PHACTR3: variants seen among roughly 807,000 people sequenced by gnomAD.
PHACTR3 encodes the protein phosphatase and actin regulator 3.
Under a neutral mutation model 66.8 loss-of-function variants are expected in PHACTR3, and 16 were observed. The observed-to-expected ratio is 0.24, with a 90% confidence interval of 0.16 to 0.36. The LOEUF is 0.36. PHACTR3 is among the 10% of genes least tolerant of loss of function. The pLI is 1.00. For synonymous variants in PHACTR3, 323 were observed against 292.1 expected (o/e 1.11, Z -1.08); for missense variants, 647 against 719.9 (o/e 0.90, Z 1.16).
At chr20:59,755,805 T>G (rs371248995) in intron 4 of PHACTR3, among the ~76,000 whole-genome samples, 2 of 152,190 alleles carry the variant, frequency 1.3e-5, no homozygotes. Flanking sequence ...GCCTAAGAGA[T>G]GCTGAAGTCC....
At chr20:59,831,202 C>G (rs969494677) in intron 8 of PHACTR3, among the ~76,000 whole-genome samples, 2 of 152,228 alleles carry the variant, frequency 1.3e-5, no homozygotes, top group African/African-American at 4.8e-5. Flanking sequence ...CACATCCACA[C>G]TTGAACATAC....
exon 1 of PHACTR3, chr20:59,577,611 G>T: frequency 2.5e-6 from 3 of 1,209,770 alleles, no homozygotes; most frequent in Middle Eastern, 3.3e-4. Flanking sequence ...CCGAGATCCT[G>T]CGCAAGGTAA....
At position 59,610,624 on chromosome 20, in the gene PHACTR3, CG is replaced by C. The variant is rs2033818124; in HGVS notation, c.118+5495del. On this transcript the variant is annotated intron_variant, in intron 1 of 12. Coordinates refer to ENST00000371015, the MANE Select transcript of PHACTR3 (RefSeq NM_080672.5). ...CAGTTGTAGCCACATTTCAAGTGTG[CG>C]GGAGCCCCATGCAGCTGTGGCTGCC... Among the ~76,000 whole-genome samples the C allele has an allele frequency of 3.9e-5, 6 of 152,362 alleles. No homozygotes were observed. The South Asian group carries it at 1.2e-3, about 32-fold the overall frequency.
At chr20:59,777,385 C>T (rs1255830587) in intron 7 of PHACTR3, among the ~76,000 whole-genome samples, 3 of 152,154 alleles carry the variant, frequency 2.0e-5, no homozygotes, top group Admixed American at 1.3e-4. Context: ...TCTTGGTTAA[C>T]TCGTTCCTCT....
intron 1 of PHACTR3, among the ~76,000 whole-genome samples, chr20:59,643,206 G>A (rs558420463): frequency 7.2e-5 from 11 of 152,150 alleles, no homozygotes; most frequent in Admixed American, 1.3e-4. Context: ...CCACTGCGCC[G>A]GCCTAATTCT....
Position 59,688,745 on chromosome 20 carries a change from A to G in PHACTR3, c.119-54362A>G, listed in dbSNP as rs80070956. ...TGTGTTACATCGTTGTTTGGAACAC[A>G]GTGGGGGTAATGCATAAATGCTGAA... On this transcript the variant is annotated intron_variant, in intron 1 of 12. Coordinates refer to ENST00000371015, the MANE Select transcript of PHACTR3 (RefSeq NM_080672.5). Among the ~76,000 whole-genome samples, 584 of 152,050 alleles carry G rather than the reference A, an allele frequency of 3.8e-3. 4 individuals carry two copies. Among genetic ancestry groups the G allele is most frequent in the East Asian group, 0.033 (173 of 5,166 alleles).
intron 1 of PHACTR3, among the ~76,000 whole-genome samples, chr20:59,732,384 T>G (rs1363126492): frequency 2.0e-5 from 3 of 152,112 alleles, no homozygotes. Context: ...CCTGTTAGGG[T>G]TGTTTGCCTG....
intron 1 of PHACTR3, among the ~76,000 whole-genome samples, chr20:59,645,724 TATGTTTTAATGAAACCGTC>T: frequency 6.6e-6 from 1 of 152,284 alleles, no homozygotes; most frequent in Middle Eastern, 3.4e-3. Flanking sequence ...ACCACCAGAA[TATGTTTTAATGAAACCGTC>T]ATGTTTTAAT....
chr20:59,816,462 A>G (rs1370618621), intron 8 of PHACTR3, among the ~76,000 whole-genome samples: 1 of 152,182 alleles, frequency 6.6e-6, no homozygotes, highest in Admixed American at 6.5e-5. Context: ...ATGTGAGGAA[A>G]TGGAGGCTCA....
At chr20:59,775,530 C>A (rs2040508378) in intron 7 of PHACTR3, among the ~76,000 whole-genome samples, 1 of 152,136 alleles carries the variant, frequency 6.6e-6, no homozygotes, top group African/African-American at 2.4e-5. Context: ...GCTTTGGAGC[C>A]TTTCCACCGG....
rs35384852 is a variant in PHACTR3, at chr20:59,733,072, CTTT to C, written c.119-10020_119-10018del. Among the ~76,000 whole-genome samples, 437 of 127,890 alleles carry C rather than the reference CTTT, an allele frequency of 3.4e-3. 1 individual carries two copies. Among genetic ancestry groups the C allele is most frequent in the East Asian group, 4.3e-3 (19 of 4,440 alleles). 83.9% of individuals were successfully genotyped at this position (127,890 alleles called of 152,430 possible). A position where few individuals can be genotyped will look rare whatever the true frequency, so the allele number is the denominator to read the frequency against. On this transcript the variant is annotated intron_variant, in intron 1 of 12. Coordinates refer to ENST00000371015, the MANE Select transcript of PHACTR3 (RefSeq NM_080672.5). ...TTCCCTTTTTTGAATAAATTCACTC[CTTT>C]TTTTTTTTTTTTTTGCATCCCTCCC...
intron 1 of PHACTR3, among the ~76,000 whole-genome samples, chr20:59,699,686 G>A (rs183268523): frequency 2.8e-4 from 43 of 152,206 alleles, no homozygotes; most frequent in African/African-American, 8.4e-4. Context: ...GTCTGTGGCC[G>A]GGCGCGGTGG....
chr20:59,639,470 G>A (rs2035023689), intron 1 of PHACTR3, among the ~76,000 whole-genome samples: 1 of 152,140 alleles, frequency 6.6e-6, no homozygotes, highest in South Asian at 2.1e-4. Context: ...CAAGCATGGT[G>A]TGACCTCCAG....
intron 1 of PHACTR3, among the ~76,000 whole-genome samples, chr20:59,735,335 A>G (rs1470434017): frequency 1.3e-5 from 2 of 152,132 alleles, no homozygotes; most frequent in Non-Finnish European, 2.9e-5. Flanking sequence ...GATATGATGA[A>G]TGGGTTTGTG....
rs540054519 is a variant in PHACTR3, at chr20:59,740,910, C to A, written c.119-2197C>A. On this transcript the variant is annotated intron_variant, in intron 1 of 12. Coordinates refer to ENST00000371015, the MANE Select transcript of PHACTR3 (RefSeq NM_080672.5). ...AGCTCTGCAGAGCCCAGATTCAGAG[C>A]AGGCCGTCCTGGGCCTCCTTGGGGC... Among the ~76,000 whole-genome samples, 3 of 152,364 alleles carry A rather than the reference C, an allele frequency of 2.0e-5. No individual in the cohort carries two copies. In the East Asian group the frequency reaches 5.8e-4, roughly 29 times the overall value.
intron 1 of PHACTR3, among the ~76,000 whole-genome samples, chr20:59,636,158 G>A (rs2034895588): frequency 6.6e-6 from 1 of 152,152 alleles, no homozygotes; most frequent in East Asian, 1.9e-4. Flanking sequence ...CATGTTCCCA[G>A]AAGTCACTGC....
rs538457869 is a variant in PHACTR3, at chr20:59,652,818, A to G, written c.118+47686A>G. 1.2e-3 allele frequency among the ~76,000 whole-genome samples: 183 copies of G among 152,282 alleles called. 1 individual carries two copies. Among genetic ancestry groups the G allele is most frequent in the Non-Finnish European group, 2.4e-3 (162 of 68,036 alleles). ...TGTGGCCAGATTGACACATAAAATT[A>G]ACATCACAATCATTGAGTGAAAAAA... is the stretch of plus-strand genomic sequence containing the variant. On this transcript the variant is annotated intron_variant, in intron 1 of 12. Coordinates refer to ENST00000371015, the MANE Select transcript of PHACTR3 (RefSeq NM_080672.5).
chr20:59,578,408 G>C (rs1206520042), intron 1 of PHACTR3, among the ~76,000 whole-genome samples: 2 of 152,178 alleles, frequency 1.3e-5, no homozygotes, highest in African/African-American at 2.4e-5. Flanking sequence ...TGAGGATACC[G>C]GGGGCACTTA....
In PHACTR3 at chr20:59,736,538, G is replaced by T. The variant is rs148859173; in HGVS notation, c.119-6569G>T. ...TCCGCAGGTGCTCACCCGCCCACCC[G>T]TGTAGGTGCACACCCACCCATGCCC... On this transcript the variant is annotated intron_variant, in intron 1 of 12. Coordinates refer to ENST00000371015, the MANE Select transcript of PHACTR3 (RefSeq NM_080672.5). This position sits in a 1 kb window ranked among gnomAD's most constrained non-coding sequence, Gnocchi z 4.6. Among the ~76,000 whole-genome samples, 22 of 108,592 alleles carry T rather than the reference G, an allele frequency of 2.0e-4. No individual in the cohort carries two copies. In the South Asian group the frequency reaches 7.1e-3, roughly 35 times the overall value. 71.2% of individuals were successfully genotyped at this position (108,592 alleles called of 152,430 possible). A position where few individuals can be genotyped will look rare whatever the true frequency, so the allele number is the denominator to read the frequency against.
Sources: allele counts gnomAD v4.1 joint callset (sites outside exome capture counted in the v4.1 genomes callset), GRCh38; gene constraint gnomAD v4.1.1; non-coding constraint Gnocchi (gnomAD v3.1); transcripts MANE v1.5; gene names NCBI Gene and HGNC (gene_info 2026-07-23, HGNC 2026-07-21).